Variants in MYCT1 observed in about 807,000 individuals in gnomAD.
MYCT1 encodes the protein MYC target 1.
A neutral mutation model predicts 15.0 loss-of-function variants in MYCT1; 12 were observed. That is an observed-to-expected ratio of 0.80 (90% CI 0.51 to 1.29). MYCT1 has a LOEUF of 1.29. MYCT1 is among the 50% of genes most tolerant of loss of function. The probability of loss-of-function intolerance (pLI) is 0.00; values close to 1 mark genes in which losing one functional copy is unlikely to be tolerated. For synonymous variants in MYCT1, 104 were observed against 102.7 expected (o/e 1.01, Z -0.07); for missense variants, 287 against 279.1 (o/e 1.03, Z -0.20).
At chr6:152,720,777 G>A (rs566335208) in intron 1 of MYCT1, among the ~76,000 whole-genome samples, 54 of 152,214 alleles carry the variant, frequency 3.5e-4, no homozygotes, top group Non-Finnish European at 7.2e-4. Flanking sequence ...CAAGGGGTTT[G>A]ATCATGGAGG....
chr6:152,731,813 T>C, the MYCT1 span, among the ~76,000 whole-genome samples: 2 of 151,518 alleles, frequency 1.3e-5, no homozygotes, highest in East Asian at 3.9e-4. Flanking sequence ...AGTGGCGCGA[T>C]ATCAGCTCGC....
rs1344953492 is a variant in MYCT1 at position 152,698,108 on chromosome 6, T to C, written c.196+10T>C. 4 of 1,501,554 alleles carry C rather than the reference T, an allele frequency of 2.7e-6. No individual in the cohort carries two copies. The highest frequency in any genetic ancestry group is 5.0e-5 in the Admixed American group (2 of 40,168). 93.0% of individuals were successfully genotyped at this position (1,501,554 alleles called of 1,614,324 possible). A position where few individuals can be genotyped will look rare whatever the true frequency, so the allele number is the denominator to read the frequency against. On this transcript the variant is annotated intron_variant, in intron 1 of 1. Transcript: ENST00000367245. ...CCAGAAAACTTTTGGGGTAAGGTAT[T>C]TTCTTTTACTGTTTAAAATTTAAAA... is the stretch of plus-strand genomic sequence containing the variant.
intron 1 of MYCT1, among the ~76,000 whole-genome samples, chr6:152,716,965 A>G (rs1331944510): frequency 1.3e-5 from 2 of 152,192 alleles, no homozygotes; most frequent in African/African-American, 2.4e-5. Flanking sequence ...TTAAAAAGTA[A>G]TATCTTTGCC....
At chr6:152,743,417 GA>G in the MYCT1 span, among the ~76,000 whole-genome samples, 1 of 152,188 alleles carries the variant, frequency 6.6e-6, no homozygotes, top group African/African-American at 2.4e-5. Context: ...CCACAGAAAG[GA>G]GTGTGGACCT....
At chr6:152,729,430 T>TA, downstream of MYCT1, among the ~76,000 whole-genome samples, 1 of 152,196 alleles carries the variant, frequency 6.6e-6, no homozygotes, top group East Asian at 1.9e-4. Context: ...AACAAAAACA[T>TA]AAACACCTAA....
chr6:152,739,046 A>G, the MYCT1 span, among the ~76,000 whole-genome samples: 9 of 151,990 alleles, frequency 5.9e-5, no homozygotes, highest in Admixed American at 5.9e-4. Context: ...ATCATCCAAA[A>G]TACAGCTCCT....
the MYCT1 span, among the ~76,000 whole-genome samples, chr6:152,737,761 AT>A: frequency 6.6e-6 from 1 of 152,160 alleles, no homozygotes; most frequent in African/African-American, 2.4e-5. Context: ...TATAATGCAT[AT>A]GTTGTTTAAG....
intron 1 of MYCT1, among the ~76,000 whole-genome samples, chr6:152,702,565 G>A (rs1402421184): frequency 6.6e-6 from 1 of 152,124 alleles, no homozygotes; most frequent in East Asian, 1.9e-4. Context: ...GCTACTAGCA[G>A]CAAATACTGT....
At chr6:152,728,954 A>G (rs571744459), downstream of MYCT1, among the ~76,000 whole-genome samples, 96 of 152,316 alleles carry the variant, frequency 6.3e-4, 1 homozygote, top group South Asian at 0.02. Flanking sequence ...AAGAATAGCA[A>G]CAGAATACAG....
At chr6:152,727,226 A>AAAAT (rs1555097130), downstream of MYCT1, among the ~76,000 whole-genome samples, 4 of 148,602 alleles carry the variant, frequency 2.7e-5, no homozygotes, top group Non-Finnish European at 4.5e-5. Flanking sequence ...AAAAAAAAAA[A>AAAAT]TATGGAAAGA....
In MYCT1 at chr6:152,722,000, A is replaced by G; in HGVS notation, c.455A>G (p.Gln152Arg). The change falls in exon 2 of 2, where the codon CAA becomes CGA. Residue 152 changes from glutamine to arginine, a missense_variant. Transcript: ENST00000367245. ...TTCCAGCGACAAGCTTCCCTGGAAC[A>G]AGCAAATTCCTTTCCAAGAAAATCA... ...LTFQRQASLE[Q>R]ANSFPRKSSF... 6.2e-7 allele frequency: 1 copy of G among 1,614,210 alleles called. No individual in the cohort carries two copies.
intron 1 of MYCT1, among the ~76,000 whole-genome samples, chr6:152,699,700 C>T (rs1386386979): frequency 1.3e-5 from 2 of 151,898 alleles, no homozygotes; most frequent in East Asian, 3.8e-4. Flanking sequence ...ATGTAGAAGT[C>T]AATCTATTTT....
Position 152,722,062 on chromosome 6 carries a change from T to C in MYCT1, c.517T>C (p.Cys173Arg). Residue 173 changes from cysteine to arginine, a missense_variant, in exon 2 of 2, where the codon TGT (cysteine) becomes CGT (arginine). Physicochemically the swap from Cys to Arg is radical, Grantham distance 180 (BLOSUM62 -3). Coordinates refer to ENST00000367245, the MANE Select transcript of MYCT1 (RefSeq NM_025107.3). ...RASTFHPFLQCPPLPVETESQ... is the reference protein window; with the variant it reads ...RASTFHPFLQRPPLPVETESQ... ...TTCTACTTTCCATCCCTTTCTGCAATGTCCACCACTTCCTGTGGAAACTGA... is the reference window on the plus strand; with the variant it reads ...TTCTACTTTCCATCCCTTTCTGCAACGTCCACCACTTCCTGTGGAAACTGA... 2 of 1,614,190 alleles carry C rather than the reference T, an allele frequency of 1.2e-6. No homozygotes were observed. Among genetic ancestry groups the C allele is most frequent in the South Asian group, 1.1e-5 (1 of 91,090 alleles).
rs116977229 is a variant in MYCT1, at chr6:152,719,075, A to G, written c.197-2667A>G. Among the ~76,000 whole-genome samples the G allele has an allele frequency of 4.1e-3, 620 of 152,254 alleles. 3 individuals are homozygous for G. Among genetic ancestry groups the G allele is most frequent in the Non-Finnish European group, 6.5e-3 (444 of 68,018 alleles). On this transcript the variant is annotated intron_variant, in intron 1 of 1. Transcript: ENST00000367245. The stretch of plus-strand genomic sequence containing the variant: ...CATGAACCTTAGCTTCTGTTTCAAT[A>G]TCTATAAAATGAGGAATTTATGTCC...
intron 1 of MYCT1, among the ~76,000 whole-genome samples, chr6:152,721,034 G>A (rs1036828744): frequency 6.6e-6 from 1 of 152,174 alleles, no homozygotes; most frequent in African/African-American, 2.4e-5. Context: ...CTCTATGGAG[G>A]TTCAGGTGAC....
rs1006631654 is a variant in MYCT1, at chr6:152,706,260, T to C, written c.196+8162T>C. On this transcript the variant is annotated intron_variant, in intron 1 of 1. Transcript: ENST00000367245. ...GGCTGGCTGATGTTTAAGAAATCAC[T>C]GTAACCATCAGTTACTGGTTTCAGT... 100 of 673,150 alleles carry C rather than the reference T, an allele frequency of 1.5e-4. 1 individual carries two copies. Among genetic ancestry groups the C allele is most frequent in the South Asian group, 1.4e-3 (96 of 67,126 alleles). 41.7% of individuals were successfully genotyped at this position (673,150 alleles called of 1,614,324 possible).
chr6:152,744,341 A>G, the MYCT1 span, among the ~76,000 whole-genome samples: 1 of 152,354 alleles, frequency 6.6e-6, no homozygotes, highest in East Asian at 1.9e-4. Context: ...AAATACCAAA[A>G]ATTTTAAAAC....
At chr6:152,727,583 G>T (rs1241071896), downstream of MYCT1, among the ~76,000 whole-genome samples, 1 of 152,220 alleles carries the variant, frequency 6.6e-6, no homozygotes, top group Non-Finnish European at 1.5e-5. Flanking sequence ...CTTCATTGTG[G>T]TGTAAGTAAA....
the MYCT1 span, among the ~76,000 whole-genome samples, chr6:152,739,648 G>A: frequency 4.0e-5 from 6 of 151,372 alleles, no homozygotes; most frequent in South Asian, 1.3e-3. Context: ...CTTTTTTTAG[G>A]CATTTAATAT....
Sources: allele counts gnomAD v4.1 joint callset (sites outside exome capture counted in the v4.1 genomes callset), GRCh38; gene constraint gnomAD v4.1.1; transcripts MANE v1.5; gene names NCBI Gene and HGNC (gene_info 2026-07-23, HGNC 2026-07-21).